PSMG2: variants seen among roughly 807,000 people sequenced by gnomAD.
PSMG2 encodes CD40 ligand-activated specific transcript 3.
PSMG2 carries 21 observed loss-of-function variants against 31.5 expected under a neutral mutation model. That is an observed-to-expected ratio of 0.67 (90% confidence interval 0.47 to 0.96). The LOEUF is 0.96. Ranked by LOEUF, PSMG2 falls within the 40% of genes least tolerant of loss-of-function variation. The pLI is 0.00. For synonymous variants in PSMG2, 120 were observed against 110.4 expected (o/e 1.09, Z -0.54); for missense variants, 318 against 321.2 (o/e 0.99, Z 0.08).
At chr18:12,696,268 G>A (rs2039953849) in intron 1 of PSMG2, among the ~76,000 whole-genome samples, 1 of 152,116 alleles carries the variant, frequency 6.6e-6, no homozygotes, top group Non-Finnish European at 1.5e-5. Context: ...ACTTTGGGAG[G>A]CCGAGGCGGG....
At chr18:12,695,481 A>C (rs1393729542) in intron 1 of PSMG2, 10 of 462,032 alleles carry the variant, frequency 2.2e-5, no homozygotes, top group Admixed American at 4.0e-5. Flanking sequence ...AACATTCAAC[A>C]TTACCTTTAA....
At chr18:12,662,498 G>A (rs1003415363) in intron 1 of PSMG2, among the ~76,000 whole-genome samples, 1 of 152,174 alleles carries the variant, frequency 6.6e-6, no homozygotes, top group African/African-American at 2.4e-5. Flanking sequence ...TCCTGAGCCC[G>A]GCCATGGGGG....
chr18:12,667,451 T>G (rs2038825254), intron 1 of PSMG2, among the ~76,000 whole-genome samples: 2 of 151,734 alleles, frequency 1.3e-5, no homozygotes, highest in South Asian at 4.1e-4. Context: ...AGTGAGACAG[T>G]CTCTTGAAAT....
intron 1 of PSMG2, chr18:12,678,254 T>G: frequency 6.2e-7 from 1 of 1,614,176 alleles, no homozygotes; most frequent in East Asian, 2.2e-5. Flanking sequence ...AATTGCTTCC[T>G]CACTCATGGG....
intron 3 of PSMG2, among the ~76,000 whole-genome samples, chr18:12,716,181 C>A (rs183536119): frequency 6.6e-5 from 10 of 152,270 alleles, no homozygotes; most frequent in Admixed American, 5.9e-4. Context: ...TTGAGACTAT[C>A]ATGAATAGTG....
chr18:12,697,229 C>T (rs559555963), intron 1 of PSMG2: 1 of 1,610,788 alleles, frequency 6.2e-7, no homozygotes, highest in Admixed American at 1.7e-5. Flanking sequence ...ATACCTACAC[C>T]CATAAGTTCC....
chr18:12,716,659 G>T (rs1042162960), intron 3 of PSMG2, among the ~76,000 whole-genome samples: 1 of 152,096 alleles, frequency 6.6e-6, no homozygotes, highest in Non-Finnish European at 1.5e-5. Context: ...CTCCCAAAGT[G>T]CTGGGATTAC....
intron 1 of PSMG2, among the ~76,000 whole-genome samples, chr18:12,672,037 CT>C (rs1302510689): frequency 6.6e-6 from 1 of 151,756 alleles, no homozygotes; most frequent in Non-Finnish European, 1.5e-5. Context: ...CCAGGCTGGT[CT>C]TGAACCCCTG....
chr18:12,685,635 GTATT>G (rs914599405), intron 1 of PSMG2: 1 of 134,640 alleles, frequency 7.4e-6, no homozygotes, highest in African/African-American at 2.7e-5. Context: ...ATATAAAATA[GTATT>G]TTTTTTTTTT....
chr18:12,661,746 G>C (rs2144935873), intron 1 of PSMG2: 1 of 153,654 alleles, frequency 6.5e-6, no homozygotes, highest in African/African-American at 2.4e-5. Context: ...CTGCACTCCA[G>C]CCAGGGTGAC....
At chr18:12,710,369 T>A (rs1357333924) in intron 2 of PSMG2, among the ~76,000 whole-genome samples, 2 of 152,226 alleles carry the variant, frequency 1.3e-5, no homozygotes, top group African/African-American at 4.8e-5. Context: ...TCCTTCTTAG[T>A]GCCTCAAACC....
At chr18:12,724,990 A>G (rs1391960592) in intron 6 of PSMG2, 5 of 293,050 alleles carry the variant, frequency 1.7e-5, no homozygotes, top group Non-Finnish European at 3.1e-5. Context: ...TAGCTATTGA[A>G]TATGTATTAC....
chr18:12,719,654 T>G (rs2040411591), intron 4 of PSMG2, among the ~76,000 whole-genome samples: 2 of 151,478 alleles, frequency 1.3e-5, no homozygotes, highest in South Asian at 4.2e-4. Flanking sequence ...CCCAAAATGC[T>G]GGGATTACAG....
intron 5 of PSMG2, among the ~76,000 whole-genome samples, chr18:12,722,990 A>G (rs2040444636): frequency 2.0e-5 from 3 of 152,256 alleles, no homozygotes; most frequent in Admixed American, 2.0e-4. Flanking sequence ...TAGTGGTTCC[A>G]TACAAAGATT....
At chr18:12,717,451 C>T (rs944673349) in intron 3 of PSMG2, among the ~76,000 whole-genome samples, 1 of 152,244 alleles carries the variant, frequency 6.6e-6, no homozygotes, top group Non-Finnish European at 1.5e-5. Flanking sequence ...GCCACACCTA[C>T]TTGATCTCTC....
chr18:12,701,369 G>A (rs545093910), upstream of PSMG2, among the ~76,000 whole-genome samples: 9 of 152,264 alleles, frequency 5.9e-5, no homozygotes, highest in South Asian at 1.9e-3. Context: ...AGGGAGTATA[G>A]TATAATCAGA....
chr18:12,666,172 TTTAAAA>T (rs2038799684), intron 1 of PSMG2, among the ~76,000 whole-genome samples: 1 of 148,278 alleles, frequency 6.7e-6, no homozygotes, highest in African/African-American at 2.5e-5. Flanking sequence ...AAAAAAAAAG[TTTAAAA>T]TTAGCCAGTC....
upstream of PSMG2, among the ~76,000 whole-genome samples, chr18:12,698,160 ATTTAT>A (rs2040022614): frequency 1.5e-5 from 2 of 137,366 alleles, no homozygotes; most frequent in South Asian, 2.1e-4. Flanking sequence ...TTTTTATTTT[ATTTAT>A]ATTTATTTGT....
chr18:12,707,363 C>T (rs1008740001), intron 2 of PSMG2, among the ~76,000 whole-genome samples: 1 of 152,040 alleles, frequency 6.6e-6, no homozygotes, highest in Non-Finnish European at 1.5e-5. Flanking sequence ...TATGTGTAAC[C>T]ATCACTAATA....
Sources: allele counts gnomAD v4.1 joint callset (sites outside exome capture counted in the v4.1 genomes callset), GRCh38; gene constraint gnomAD v4.1.1; transcripts MANE v1.5; gene names NCBI Gene and HGNC (gene_info 2026-07-23, HGNC 2026-07-21).